The following PRKCH variants were observed in gnomAD, a reference collection of about 807,000 sequenced individuals.
PRKCH encodes protein kinase C eta, also known as protein kinase C eta type.
A neutral mutation model predicts 82.5 loss-of-function variants in PRKCH; 28 were observed. That is an observed-to-expected ratio of 0.34 (90% CI 0.25 to 0.47). The LOEUF is 0.47. Ranked by LOEUF, PRKCH falls within the 20% of genes least tolerant of loss-of-function variation. PRKCH has a pLI of 1.00. For synonymous variants in PRKCH, 322 were observed against 327.4 expected, an observed-to-expected ratio of 0.98 and a Z score of 0.18; for missense variants, 705 against 881.8, an observed-to-expected ratio of 0.80 and a Z score of 2.54.
chr14:61,457,129 C>A (rs764691730), intron 7 of PRKCH, 47 bp from the exon 8 acceptor site: 6 of 1,600,126 alleles, frequency 3.7e-6, no homozygotes, highest in Non-Finnish European at 5.1e-6. Context: ...ATGGGTGCTC[C>A]ATGCTTCTGC....
intron 1 of PRKCH, among the ~76,000 whole-genome samples, chr14:61,211,852 A>G (rs1429495322): frequency 6.6e-6 from 1 of 152,180 alleles, no homozygotes; most frequent in Non-Finnish European, 1.5e-5. Flanking sequence ...AATCCCTTGA[A>G]ACTCAGAGTG....
At chr14:61,260,123 G>A (rs1566797768) in intron 1 of PRKCH, among the ~76,000 whole-genome samples, 1 of 152,130 alleles carries the variant, frequency 6.6e-6, no homozygotes, top group African/African-American at 2.4e-5. Context: ...CTGATTACAT[G>A]TCTAAATAAT....
chr14:61,372,130 G>A (rs1047678872), intron 1 of PRKCH, among the ~76,000 whole-genome samples: 3 of 151,894 alleles, frequency 2.0e-5, no homozygotes, highest in African/African-American at 7.3e-5. Context: ...GGCACTAAAA[G>A]ATGCCCCTGG....
chr14:61,452,764 C>T lies in PRKCH; in HGVS notation c.833-462C>T, dbSNP rs1594721950. The T allele has an allele frequency of 4.2e-5, 7 of 166,714 alleles. No individual in the cohort carries two copies. In the South Asian group the frequency reaches 1.0e-3, roughly 24 times the overall value. The allele number at this position is 166,714 out of a possible 1,614,324, so 10.3% of individuals were successfully genotyped here. On this transcript the variant is annotated intron_variant, in intron 6 of 13. Coordinates refer to ENST00000332981, the MANE Select transcript of PRKCH (RefSeq NM_006255.5). The stretch of plus-strand genomic sequence containing the variant: ...ATAGAGGTTTTTCTTGTAGAAACAC[C>T]ATTTCCATCCTGTTTGAACAGTGAT...
At position 61,279,945 on chromosome 14, in the gene PRKCH, G is replaced by C. The variant is rs1016459684; in HGVS notation, c.-19+92277G>C. 2.6e-5 allele frequency: 18 copies of C among 696,836 alleles called. No homozygotes were observed. The Admixed American group carries it at 3.2e-4, about 13-fold the overall frequency. The allele number at this position is 696,836 out of a possible 1,614,324, so 43.2% of individuals were successfully genotyped here. On this transcript the variant is annotated intron_variant, in intron 1 of 3. Coordinates refer to the PRKCH transcript ENST00000555185. ...GTCTAGCAGCCCCCCAAGAGCAAGG[G>C]GGGTAATTCCCTTATCTGGTCCCCT... is the stretch of plus-strand genomic sequence containing the variant.
chr14:61,266,810 C>T (rs2045106223), intron 1 of PRKCH, among the ~76,000 whole-genome samples: 1 of 152,062 alleles, frequency 6.6e-6, no homozygotes, highest in African/African-American at 2.4e-5. Context: ...TCTGTGTATG[C>T]TAAAAAAAAT....
chr14:61,431,777 A>G (rs1883408306), intron 2 of PRKCH, among the ~76,000 whole-genome samples: 1 of 152,182 alleles, frequency 6.6e-6, no homozygotes, highest in South Asian at 2.1e-4. Context: ...ACCTTTTATT[A>G]TACAATCACT....
chr14:61,533,081 T>C (rs2043060975), intron 12 of PRKCH, among the ~76,000 whole-genome samples: 1 of 152,208 alleles, frequency 6.6e-6, no homozygotes, highest in African/African-American at 2.4e-5. Flanking sequence ...TGAGTGGCCT[T>C]GGTGAGCCTC....
At chr14:61,360,608 A>G (rs2046212442) in intron 1 of PRKCH, among the ~76,000 whole-genome samples, 1 of 152,236 alleles carries the variant, frequency 6.6e-6, no homozygotes, top group Admixed American at 6.5e-5. Context: ...CTTTGGATGA[A>G]AGGATAACAA....
chr14:61,283,413 G>A (rs1158718089), intron 1 of PRKCH, among the ~76,000 whole-genome samples: 1 of 152,218 alleles, frequency 6.6e-6, no homozygotes, highest in African/African-American at 2.4e-5. Context: ...TAAATGAAAA[G>A]GAATTATGGG....
chr14:61,431,507 A>C (rs1883395678), intron 2 of PRKCH, among the ~76,000 whole-genome samples: 1 of 152,198 alleles, frequency 6.6e-6, no homozygotes, highest in Non-Finnish European at 1.5e-5. Context: ...CTCTCTGGCC[A>C]AATTCTTTCC....
chr14:61,275,195 G>T (rs549685340), intron 1 of PRKCH, among the ~76,000 whole-genome samples: 2 of 152,270 alleles, frequency 1.3e-5, no homozygotes, highest in Non-Finnish European at 2.9e-5. Flanking sequence ...GCCTCATCCA[G>T]AAGTTATGCT....
At chr14:61,242,664 C>G (rs978899016) in intron 1 of PRKCH, among the ~76,000 whole-genome samples, 6 of 152,164 alleles carry the variant, frequency 3.9e-5, no homozygotes, top group Non-Finnish European at 7.4e-5. Context: ...TCCCAAAGTG[C>G]TGGGATTACA....
rs113142190 is a variant in PRKCH, at chr14:61,457,418, A to G, written c.1105-88A>G. On this transcript the variant is annotated intron_variant, in intron 8 of 13. Transcript: ENST00000332981. ...GCATGCGCACATACTCACATTTCTC[A>G]TGTGCCATTCTTTCTTCCTGTTGTG... The G allele has an allele frequency of 1.2e-3, 1,908 of 1,587,312 alleles. 15 individuals are homozygous for G. In the African/African-American group the frequency reaches 0.022, roughly 18 times the overall value.
chr14:61,492,861 C>A (rs1256950764), intron 10 of PRKCH, among the ~76,000 whole-genome samples: 1 of 152,100 alleles, frequency 6.6e-6, no homozygotes, highest in Non-Finnish European at 1.5e-5. Context: ...GATGGATGTT[C>A]AGGCAAACTT....
intron 1 of PRKCH, among the ~76,000 whole-genome samples, chr14:61,206,954 A>T (rs1264762852): frequency 6.6e-6 from 1 of 151,752 alleles, no homozygotes; most frequent in East Asian, 1.9e-4. Context: ...TAAAAATACA[A>T]AATTAGCCAG....
At chr14:61,416,563 G>C (rs1214649077) in intron 2 of PRKCH, among the ~76,000 whole-genome samples, 1 of 152,040 alleles carries the variant, frequency 6.6e-6, no homozygotes, top group Non-Finnish European at 1.5e-5. Flanking sequence ...CTCCCAGCTT[G>C]GCTCAGCTGC....
At chr14:61,412,614 A>G (rs12587617) in intron 2 of PRKCH, among the ~76,000 whole-genome samples, 12,771 of 152,196 alleles carry the variant, frequency 0.084, 960 homozygotes, top group East Asian at 0.41. Context: ...GACCTGAGCA[A>G]TCATCTCACA....
intron 1 of PRKCH, chr14:61,353,423 G>T (rs757791805): frequency 9.9e-5 from 15 of 152,048 alleles, no homozygotes; most frequent in Non-Finnish European, 2.2e-4. Context: ...ACTAAGACTT[G>T]TTTTCTCAAT....
Sources: gnomAD v4.1 joint callset for allele counts (sites outside exome capture counted in the v4.1 genomes callset) on GRCh38, gnomAD v4.1.1 for gene constraint, MANE v1.5 for transcripts, NCBI Gene and HGNC (gene_info 2026-07-23, HGNC 2026-07-21) for gene names.